Variants in AGBL1 observed in about 807,000 individuals in gnomAD.
AGBL1 encodes the protein cytosolic carboxypeptidase 4.
In AGBL1, 130 loss-of-function variants were observed where a neutral mutation model predicts 118.9. That is an observed-to-expected ratio of 1.09 (90% confidence interval 0.95 to 1.26). The LOEUF is 1.26. AGBL1 is among the 50% of genes most tolerant of loss of function. The probability of loss-of-function intolerance (pLI) is 0.00; values close to 1 mark genes in which losing one functional copy is unlikely to be tolerated. For synonymous variants in AGBL1, 555 were observed against 478.9 expected (o/e 1.16, Z -2.08); for missense variants, 1,584 against 1,298.1 (o/e 1.22, Z -3.38).
chr15:86,356,071 A>C (rs2080712420), intron 17 of AGBL1, among the ~76,000 whole-genome samples: 2 of 152,150 alleles, frequency 1.3e-5, no homozygotes, highest in Admixed American at 1.3e-4. Context: ...TCTGCGTTTT[A>C]AATCTGAGTG....
chr15:86,271,363 C>G (rs374803509), intron 14 of AGBL1, among the ~76,000 whole-genome samples: 5 of 152,034 alleles, frequency 3.3e-5, no homozygotes, highest in African/African-American at 1.2e-4. Context: ...TGCCTGGCCA[C>G]GTTGCATCTC....
At chr15:86,866,784 A>T (rs1478012808) in intron 22 of AGBL1, among the ~76,000 whole-genome samples, 1 of 152,180 alleles carries the variant, frequency 6.6e-6, no homozygotes, top group Non-Finnish European at 1.5e-5. Context: ...CCTGGGAGGC[A>T]GAGGTTGCAG....
In AGBL1 at chr15:86,494,589, C is replaced by G. The variant is rs149087972; in HGVS notation, c.2556-28221C>G. 4.5e-3 allele frequency among the ~76,000 whole-genome samples: 680 copies of G among 152,154 alleles called. 11 individuals carry two copies. The highest frequency in any genetic ancestry group is 0.014 in the Middle Eastern group (4 of 294). On this transcript the variant is annotated intron_variant, in intron 18 of 22. Transcript: ENST00000614907. ...CCTAATCTTGACAGTCTCTTCAGAC[C>G]TAACTTATTATCACCTACCGATCAG... is the stretch of plus-strand genomic sequence containing the variant.
rs116598689 is a variant in AGBL1, at chr15:86,799,783, A to T, written c.3159-107304A>T. Reference sequence around the variant, plus strand: ...GCTGAAAAGTTCTAGGGAATTGCATATAAAACTAATCATTACCTTGTAATG... The same window carrying T: ...GCTGAAAAGTTCTAGGGAATTGCATTTAAAACTAATCATTACCTTGTAATG... On this transcript the variant is annotated intron_variant, in intron 22 of 22. Coordinates refer to ENST00000614907, the MANE Select transcript of AGBL1 (RefSeq NM_001386094.1). Among the ~76,000 whole-genome samples the T allele has an allele frequency of 6.6e-5, 10 of 152,290 alleles. No homozygotes were observed. The South Asian group carries it at 2.1e-3, about 32-fold the overall frequency.
chr15:86,269,586 G>A (rs139354527), intron 13 of AGBL1, among the ~76,000 whole-genome samples: 101 of 152,226 alleles, frequency 6.6e-4, no homozygotes, highest in Middle Eastern at 3.4e-3. Context: ...ACCCTGATTT[G>A]ATCATTACAC....
In AGBL1 at chr15:86,625,325, T is replaced by G. The variant is rs563007721; in HGVS notation, c.2995-48948T>G. Among the ~76,000 whole-genome samples, 7 of 151,196 alleles carry G rather than the reference T, an allele frequency of 4.6e-5. No individual in the cohort carries two copies. The East Asian group carries it at 1.4e-3, about 30-fold the overall frequency. On this transcript the variant is annotated intron_variant, in intron 21 of 22. Transcript: ENST00000614907. ...GTTAGACATTTCAATTACTTTCTCT[T>G]TTTTTGGCTCTGACAGCCTCCAAGG...
chr15:86,162,001 A>T (rs978401780), intron 5 of AGBL1, among the ~76,000 whole-genome samples: 6 of 152,202 alleles, frequency 3.9e-5, no homozygotes, highest in African/African-American at 1.2e-4. Flanking sequence ...TATTAATACA[A>T]ATACTATGGG....
At chr15:86,420,118 A>C (rs540789132) in intron 18 of AGBL1, among the ~76,000 whole-genome samples, 2 of 152,312 alleles carry the variant, frequency 1.3e-5, no homozygotes, top group South Asian at 4.1e-4. Flanking sequence ...ATTTCTACTA[A>C]GGAACAGACT....
At chr15:86,250,210 C>T (rs76745697) in intron 7 of AGBL1, among the ~76,000 whole-genome samples, 7,367 of 152,014 alleles carry the variant, frequency 0.048, 242 homozygotes, top group South Asian at 0.12. Context: ...CACCACTCGC[C>T]CTTGCTTTTA....
At chr15:86,778,559 A>G (rs1467263245) in intron 22 of AGBL1, among the ~76,000 whole-genome samples, 1 of 152,162 alleles carries the variant, frequency 6.6e-6, no homozygotes, top group Admixed American at 6.5e-5. Flanking sequence ...GAATTCAGCG[A>G]TATTTCTCCC....
chr15:86,708,296 G>T (rs1400921171), intron 22 of AGBL1, among the ~76,000 whole-genome samples: 1 of 152,030 alleles, frequency 6.6e-6, no homozygotes. Flanking sequence ...ATCTCATAAG[G>T]TTAGTGTCCT....
At chr15:86,958,258 T>G (rs968256861) in intron 23 of AGBL1, among the ~76,000 whole-genome samples, 19 of 150,768 alleles carry the variant, frequency 1.3e-4, no homozygotes, top group Non-Finnish European at 1.6e-4. Flanking sequence ...AATGGGACTC[T>G]CCTTTGCATT....
At position 86,087,391 on chromosome 15, in the gene AGBL1, C is replaced by T. The variant is rs530327088; in HGVS notation, c.51+7368C>T. On this transcript the variant is annotated intron_variant, in intron 1 of 22. Transcript: ENST00000614907. Reference sequence around the variant, plus strand: ...TCACCCAGGCTGGAGTGCAGTGGCACGATCTCGGCTCACTGCAATCTCTGC... The same window carrying T: ...TCACCCAGGCTGGAGTGCAGTGGCATGATCTCGGCTCACTGCAATCTCTGC... Among the ~76,000 whole-genome samples the T allele has an allele frequency of 5.5e-4, 83 of 151,128 alleles. No homozygotes were observed. In the South Asian group the frequency reaches 0.016, roughly 29 times the overall value.
At chr15:86,173,995 T>C (rs1944497540) in intron 5 of AGBL1, among the ~76,000 whole-genome samples, 1 of 152,182 alleles carries the variant, frequency 6.6e-6, no homozygotes, top group African/African-American at 2.4e-5. Flanking sequence ...ATTGGTATTT[T>C]GATGGGGGTT....
intron 17 of AGBL1, among the ~76,000 whole-genome samples, chr15:86,345,035 C>T (rs1374836053): frequency 6.6e-6 from 1 of 152,060 alleles, no homozygotes; most frequent in African/African-American, 2.4e-5. Context: ...AATTGAGCAC[C>T]TCTTCTTTTT....
chr15:86,741,154 G>A (rs1048749289), intron 22 of AGBL1, among the ~76,000 whole-genome samples: 1 of 151,804 alleles, frequency 6.6e-6, no homozygotes, highest in African/African-American at 2.4e-5. Context: ...GGACCACTGT[G>A]GTTTGTCAGC....
At chr15:86,681,296 G>T (rs1381329636) in intron 22 of AGBL1, among the ~76,000 whole-genome samples, 1 of 152,052 alleles carries the variant, frequency 6.6e-6, no homozygotes, top group Non-Finnish European at 1.5e-5. Context: ...TTTACATTTA[G>T]GTTTCATTGC....
chr15:86,405,976 G>T (rs866268254), intron 18 of AGBL1, among the ~76,000 whole-genome samples: 24 of 152,196 alleles, frequency 1.6e-4, no homozygotes, highest in African/African-American at 2.4e-4. Context: ...AAGGGAGACT[G>T]ATCTGGCTAG....
chr15:86,760,264 T>A (rs2078004962), intron 22 of AGBL1, among the ~76,000 whole-genome samples: 2 of 152,080 alleles, frequency 1.3e-5, no homozygotes, highest in Admixed American at 6.6e-5. Context: ...CTAATAAAAC[T>A]GCAGGAACTG....
Sources: allele counts gnomAD v4.1 joint callset (sites outside exome capture counted in the v4.1 genomes callset), GRCh38; gene constraint gnomAD v4.1.1; transcripts MANE v1.5; gene names NCBI Gene and HGNC (gene_info 2026-07-23, HGNC 2026-07-21).